The following TDRD9 variants were observed in gnomAD, a reference collection of about 807,000 sequenced individuals.
TDRD9 encodes tudor domain containing 9.
TDRD9 carries 124 observed loss-of-function variants against 172.6 expected under a neutral mutation model. The observed-to-expected ratio is 0.72, with a 90% confidence interval of 0.62 to 0.83. TDRD9 has a LOEUF of 0.83. TDRD9 is among the 40% of genes least tolerant of loss of function. The pLI is 0.00. For missense variants in TDRD9, 1,479 were observed against 1,714.1 expected, an observed-to-expected ratio of 0.86 and a Z score of 2.42; for synonymous variants, 619 against 617.1, an observed-to-expected ratio of 1.00 and a Z score of -0.05.
intron 6 of TDRD9, among the ~76,000 whole-genome samples, chr14:103,974,639 A>AT (rs755265444): frequency 7.2e-5 from 11 of 151,846 alleles, no homozygotes; most frequent in Non-Finnish European, 2.9e-5. Context: ...TTTTTAATTT[A>AT]TTTTTTATTT....
At chr14:103,944,290 C>T (rs182989012) in intron 1 of TDRD9, among the ~76,000 whole-genome samples, 19 of 152,284 alleles carry the variant, frequency 1.2e-4, no homozygotes, top group South Asian at 2.1e-4. Context: ...TGCCCCCTGA[C>T]GCTTGCCATG....
At position 103,986,294 on chromosome 14, in the gene TDRD9, T is replaced by C; in HGVS notation, c.1089T>C (p.Phe363=). Residue 363 remains phenylalanine, a synonymous_variant, in exon 8 of 36, where the codon TTT becomes TTC. Coordinates refer to ENST00000409874, the MANE Select transcript of TDRD9 (RefSeq NM_153046.3). ...YEVAVSLIQM[F]DDLDMKESGN... ...TTGCTGTCTCTCTCATTCAGATGTT[T>C]GATGACTTGGATATGAAGGAGAGTG... 6.2e-7 allele frequency: 1 copy of C among 1,613,220 alleles called. No individual in the cohort carries two copies. The highest frequency in any genetic ancestry group is 1.7e-4 in the Middle Eastern group (1 of 6,060).
chr14:104,021,751 T>C (rs573666619), intron 23 of TDRD9, among the ~76,000 whole-genome samples: 24 of 152,308 alleles, frequency 1.6e-4, no homozygotes, highest in Admixed American at 1.4e-3. Context: ...CAAAGATCAC[T>C]GAGCTATATA....
At chr14:103,970,655 A>G (rs773048087) in intron 6 of TDRD9, 34 bp downstream of exon 6, 11 of 1,466,698 alleles carry the variant, frequency 7.5e-6, no homozygotes, top group Non-Finnish European at 1.0e-5. Flanking sequence ...AGACATATTT[A>G]GGATTAAGAT....
chr14:104,046,794 C>T (rs543595211), intron 34 of TDRD9, among the ~76,000 whole-genome samples: 9 of 152,052 alleles, frequency 5.9e-5, no homozygotes, highest in Non-Finnish European at 7.4e-5. Context: ...TACAGGTGCC[C>T]GCCACCACAC....
chr14:104,007,161 C>G lies in TDRD9; in HGVS notation c.2009C>G (p.Thr670Arg). Residue 670 changes from threonine (T) to arginine (R), a missense_variant and splice_region_variant, in exon 19 of 36, where the codon ACA (threonine) becomes AGA (arginine). Thr to Arg is a moderately conservative substitution (Grantham distance 71). This residue lies in a region of TDRD9 where 1,413 missense variants were observed against 1,649.1 expected (regional missense o/e 0.86). Coordinates refer to ENST00000409874, the MANE Select transcript of TDRD9 (RefSeq NM_153046.3). ...AAAGTTTGGATCCTTTATTTTCAGA[C>G]ATGGAAGGCTTGCAGACAGACAGGG... ...DCIALVEAFK[T>R]WKACRQTGEL... 2 of 1,613,684 alleles carry G rather than the reference C, an allele frequency of 1.2e-6. No homozygotes were observed. The highest frequency in any genetic ancestry group is 1.7e-6 in the Non-Finnish European group (2 of 1,179,786).
chr14:103,948,070 G>A (rs929065818), intron 1 of TDRD9, among the ~76,000 whole-genome samples: 2 of 152,182 alleles, frequency 1.3e-5, no homozygotes, highest in African/African-American at 4.8e-5. Context: ...CTGGAGTGCA[G>A]TGGTGCAATC....
chr14:104,031,527 A>AAAGG (rs1405846037), intron 29 of TDRD9, among the ~76,000 whole-genome samples: 1 of 142,090 alleles, frequency 7.0e-6, no homozygotes, highest in Non-Finnish European at 1.5e-5. Flanking sequence ...TTGTCGGACT[A>AAAGG]AAGGAAGCAC....
chr14:104,004,463 C>T (rs937465934), intron 14 of TDRD9, 128 bp downstream of exon 14: 3 of 506,202 alleles, frequency 5.9e-6, no homozygotes, highest in Non-Finnish European at 1.1e-5. Flanking sequence ...TCACTGCAAT[C>T]TGCCTCCCGG....
rs772734627 is a variant in TDRD9, at chr14:104,004,207, CA to C, written c.1484-28del. The C allele has an allele frequency of 1.0e-5, 12 of 1,169,820 alleles. No homozygotes were observed. In the Admixed American group the frequency reaches 2.1e-4, roughly 20 times the overall value. 72.5% of individuals were successfully genotyped at this position (1,169,820 alleles called of 1,614,324 possible). On this transcript the variant is annotated intron_variant, in intron 13 of 35. Coordinates refer to ENST00000409874, the MANE Select transcript of TDRD9 (RefSeq NM_153046.3). ...ATGCTGATGTTAAAGTAATTAATGC[CA>C]AACACTGTTTGCACATCTCTCCTTT...
chr14:103,960,103 G>A (rs920384847), intron 2 of TDRD9, among the ~76,000 whole-genome samples: 1 of 152,210 alleles, frequency 6.6e-6, no homozygotes, highest in African/African-American at 2.4e-5. Flanking sequence ...CAGAATACTA[G>A]TCCATATTTG....
intron 11 of TDRD9, among the ~76,000 whole-genome samples, chr14:103,995,038 G>A (rs1215407972): frequency 1.3e-5 from 2 of 151,868 alleles, no homozygotes; most frequent in African/African-American, 4.8e-5. Context: ...TTTACCTAAT[G>A]AGCCAGGTAT....
chr14:103,929,865 A>C (rs1461803617), intron 1 of TDRD9, among the ~76,000 whole-genome samples: 2 of 152,036 alleles, frequency 1.3e-5, no homozygotes, highest in Non-Finnish European at 2.9e-5. Flanking sequence ...TAAGTTTTCA[A>C]CTCATTGGGT....
intron 1 of TDRD9, among the ~76,000 whole-genome samples, chr14:103,950,397 A>G (rs1362715416): frequency 6.6e-6 from 1 of 152,156 alleles, no homozygotes; most frequent in East Asian, 1.9e-4. Context: ...GCCGGTTTCT[A>G]TTTCATAATC....
chr14:104,051,763 C>A (rs934353493), intron 35 of TDRD9, among the ~76,000 whole-genome samples: 1 of 152,142 alleles, frequency 6.6e-6, no homozygotes, highest in East Asian at 1.9e-4. Context: ...GAGAAGCGTT[C>A]ATGTCTTTTG....
At chr14:103,931,923 G>A (rs1462828588) in intron 1 of TDRD9, among the ~76,000 whole-genome samples, 1 of 152,218 alleles carries the variant, frequency 6.6e-6, no homozygotes, top group East Asian at 1.9e-4. Flanking sequence ...TGGGCAGCTA[G>A]GAGCAAAGAC....
intron 34 of TDRD9, among the ~76,000 whole-genome samples, chr14:104,048,896 GC>G (rs1393944615): frequency 6.6e-6 from 1 of 152,168 alleles, no homozygotes; most frequent in African/African-American, 2.4e-5. Context: ...AGATCACATA[GC>G]CTTTATGGCC....
rs74086779 is a variant in TDRD9, at chr14:103,944,034, G to T, written c.216-11630G>T. Among the ~76,000 whole-genome samples the T allele has an allele frequency of 2.3e-3, 346 of 152,282 alleles. 3 individuals carry two copies. Among genetic ancestry groups the T allele is most frequent in the African/African-American group, 8.1e-3 (337 of 41,542 alleles). On this transcript the variant is annotated intron_variant, in intron 1 of 35. Transcript: ENST00000409874. ...CCAAATTTTATACTAAAATTACAGCGAATCTTGCCGCATACTCCTTTGAAT... is the reference window on the plus strand; with the variant it reads ...CCAAATTTTATACTAAAATTACAGCTAATCTTGCCGCATACTCCTTTGAAT...
chr14:103,947,529 C>T (rs1006627272), intron 1 of TDRD9, among the ~76,000 whole-genome samples: 11 of 151,954 alleles, frequency 7.2e-5, no homozygotes, highest in African/African-American at 2.4e-4. Context: ...GGGGTTTCAC[C>T]GTGTTTGCCA....
Sources: allele counts gnomAD v4.1 joint callset (sites outside exome capture counted in the v4.1 genomes callset), GRCh38; gene constraint gnomAD v4.1.1; regional missense constraint gnomAD v4.1.1; transcripts MANE v1.5; gene names NCBI Gene and HGNC (gene_info 2026-07-23, HGNC 2026-07-21).